SGCZ: variants seen among roughly 807,000 people sequenced by gnomAD.
SGCZ encodes the protein zeta-sarcoglycan.
In SGCZ, 40 loss-of-function variants were observed where a neutral mutation model predicts 41.3. The ratio of observed to expected loss-of-function variants is 0.97; its 90% CI spans 0.75 to 1.26. The LOEUF (loss-of-function observed/expected upper bound fraction) is 1.26, where lower values mean the gene tolerates loss of function less well. Among genes scored for constraint, SGCZ ranks in the 50% most tolerant of loss-of-function variants. The pLI is 0.00. For synonymous variants in SGCZ, 206 were observed against 137.5 expected (o/e 1.50, Z -3.49); for missense variants, 552 against 369.8 (o/e 1.49, Z -4.04).
intron 1 of SGCZ, among the ~76,000 whole-genome samples, chr8:14,940,613 A>C (rs1471962976): frequency 6.6e-6 from 1 of 152,174 alleles, no homozygotes; most frequent in Non-Finnish European, 1.5e-5. Context: ...AATGTCATGA[A>C]AAATTCATTA....
At chr8:14,593,939 C>T (rs570637197) in intron 1 of SGCZ, among the ~76,000 whole-genome samples, 224 of 152,140 alleles carry the variant, frequency 1.5e-3, no homozygotes, top group African/African-American at 5.1e-3. Context: ...CTTTGGGAGG[C>T]CGAGATTGGT....
At chr8:14,210,029 T>A (rs1805748755) in intron 4 of SGCZ, among the ~76,000 whole-genome samples, 1 of 151,828 alleles carries the variant, frequency 6.6e-6, no homozygotes. Context: ...ATACAACTTG[T>A]TATCTACACT....
At chr8:14,799,807 A>T (rs1801260018) in intron 1 of SGCZ, among the ~76,000 whole-genome samples, 1 of 152,158 alleles carries the variant, frequency 6.6e-6, no homozygotes, top group African/African-American at 2.4e-5. Context: ...GCAGTAATTC[A>T]CATGACCACA....
chr8:14,803,708 A>G (rs534203430), intron 1 of SGCZ, among the ~76,000 whole-genome samples: 18 of 151,690 alleles, frequency 1.2e-4, no homozygotes, highest in South Asian at 8.4e-4. Flanking sequence ...CAGGAAGCTC[A>G]AACTGGGTGG....
At chr8:15,195,305 G>A (rs564341565) in intron 1 of SGCZ, among the ~76,000 whole-genome samples, 3 of 152,224 alleles carry the variant, frequency 2.0e-5, no homozygotes, top group African/African-American at 7.2e-5. Flanking sequence ...TGGTGTGCAG[G>A]ACCTGTGTAC....
At chr8:14,565,218 T>G (rs549325755) in intron 1 of SGCZ, among the ~76,000 whole-genome samples, 3 of 152,312 alleles carry the variant, frequency 2.0e-5, no homozygotes, top group Non-Finnish European at 2.9e-5. Flanking sequence ...TTTCAGTCAT[T>G]CTTAGTTTTC....
At chr8:15,141,613 G>A (rs958092635) in intron 1 of SGCZ, among the ~76,000 whole-genome samples, 1 of 152,158 alleles carries the variant, frequency 6.6e-6, no homozygotes, top group African/African-American at 2.4e-5. Context: ...TGACTAAAGT[G>A]AGAACCTCAT....
intron 2 of SGCZ, among the ~76,000 whole-genome samples, chr8:14,405,839 A>T (rs1799198601): frequency 1.3e-5 from 2 of 152,028 alleles, no homozygotes; most frequent in South Asian, 4.1e-4. Flanking sequence ...CGGCATTATC[A>T]TTAGAATAAT....
intron 1 of SGCZ, among the ~76,000 whole-genome samples, chr8:14,776,058 C>T (rs1800391726): frequency 6.6e-6 from 1 of 152,074 alleles, no homozygotes; most frequent in South Asian, 2.1e-4. Context: ...AAAATGAAGA[C>T]ATTCAAAAGT....
intron 4 of SGCZ, among the ~76,000 whole-genome samples, chr8:14,199,746 G>A (rs113384276): frequency 5.9e-5 from 9 of 151,938 alleles, no homozygotes; most frequent in East Asian, 1.9e-4. Flanking sequence ...AATTTCCCCC[G>A]ATATATTCTA....
chr8:14,903,629 T>C (rs55825847), intron 1 of SGCZ, among the ~76,000 whole-genome samples: 15,294 of 152,022 alleles, frequency 0.1, 961 homozygotes, highest in African/African-American at 0.17. Flanking sequence ...TTCTATGAAA[T>C]AGGAACACTA....
intron 2 of SGCZ, among the ~76,000 whole-genome samples, chr8:14,545,902 T>C (rs1803611590): frequency 6.6e-6 from 1 of 152,230 alleles, no homozygotes; most frequent in Admixed American, 6.5e-5. Context: ...GTGATTTATC[T>C]TATGCCACAA....
intron 1 of SGCZ, among the ~76,000 whole-genome samples, chr8:14,929,132 G>T (rs148391356): frequency 1.3e-5 from 2 of 151,934 alleles, no homozygotes; most frequent in African/African-American, 4.8e-5. Flanking sequence ...GCTGGGACTA[G>T]AAGCGTGCAC....
intron 2 of SGCZ, among the ~76,000 whole-genome samples, chr8:14,482,300 T>C (rs192373608): frequency 1.1e-4 from 17 of 152,322 alleles, no homozygotes; most frequent in African/African-American, 3.1e-4. Flanking sequence ...CAACACTTTC[T>C]ACCTTTTACG....
chr8:14,130,008 G>A (rs1302317237), intron 5 of SGCZ, among the ~76,000 whole-genome samples: 1 of 152,116 alleles, frequency 6.6e-6, no homozygotes, highest in East Asian at 1.9e-4. Context: ...CATATGAAAT[G>A]ATTATCAGTC....
At chr8:14,704,455 T>C (rs1349957693) in intron 1 of SGCZ, among the ~76,000 whole-genome samples, 1 of 152,046 alleles carries the variant, frequency 6.6e-6, no homozygotes, top group Non-Finnish European at 1.5e-5. Context: ...GGCAATATTT[T>C]TCTTTCTTGT....
intron 1 of SGCZ, among the ~76,000 whole-genome samples, chr8:14,767,745 G>A (rs1585243456): frequency 6.6e-6 from 1 of 152,276 alleles, no homozygotes; most frequent in South Asian, 2.1e-4. Context: ...TACTACCATA[G>A]GCTATTTCTG....
At chr8:15,233,806 T>G (rs185700785) in intron 1 of SGCZ, among the ~76,000 whole-genome samples, 6 of 152,264 alleles carry the variant, frequency 3.9e-5, no homozygotes, top group Admixed American at 2.0e-4. Context: ...AGAAAAAAAC[T>G]AATTTAACTT....
chr8:14,787,086 T>C (rs905365405), intron 1 of SGCZ, among the ~76,000 whole-genome samples: 3 of 152,118 alleles, frequency 2.0e-5, no homozygotes, highest in African/African-American at 7.2e-5. Flanking sequence ...AGATGGTTCA[T>C]TAACAGCTCA....
Sources: allele counts gnomAD v4.1 joint callset (sites outside exome capture counted in the v4.1 genomes callset), GRCh38; gene constraint gnomAD v4.1.1; transcripts MANE v1.5; gene names NCBI Gene and HGNC (gene_info 2026-07-23, HGNC 2026-07-21).